The following CCSER1 variants were observed in gnomAD, a reference collection of about 807,000 sequenced individuals.
The protein encoded by CCSER1 is coiled-coil serine rich protein 1.
A neutral mutation model predicts 82.0 loss-of-function variants in CCSER1; 41 were observed. The observed-to-expected ratio is 0.50, with a 90% CI of 0.39 to 0.65. The LOEUF (loss-of-function observed/expected upper bound fraction) is 0.65. Among genes scored for constraint, CCSER1 ranks in the 30% least tolerant of loss-of-function variants. CCSER1 has a pLI of 0.00. For missense variants in CCSER1, 1,119 were observed against 1,064.2 expected, an observed-to-expected ratio of 1.05 and a Z score of -0.72; for synonymous variants, 414 against 383.9, an observed-to-expected ratio of 1.08 and a Z score of -0.92.
At chr4:90,163,247 T>A (rs1267872667) in intron 1 of CCSER1, among the ~76,000 whole-genome samples, 1 of 152,132 alleles carries the variant, frequency 6.6e-6, no homozygotes, top group Non-Finnish European at 1.5e-5. Context: ...GACAGAGTGC[T>A]TTTAATGTAA....
intron 5 of CCSER1, among the ~76,000 whole-genome samples, chr4:90,543,098 A>T (rs1434448925): frequency 6.6e-6 from 1 of 152,106 alleles, no homozygotes; most frequent in African/African-American, 2.4e-5. Context: ...TAGAAACTGA[A>T]TAGATTTTGA....
chr4:90,649,117 A>G (rs1728252562), intron 6 of CCSER1, among the ~76,000 whole-genome samples: 1 of 152,182 alleles, frequency 6.6e-6, no homozygotes, highest in Admixed American at 6.5e-5. Flanking sequence ...TTTCATACAG[A>G]AGCATGTTGT....
intron 10 of CCSER1, among the ~76,000 whole-genome samples, chr4:91,283,216 C>A (rs1743048441): frequency 6.6e-6 from 1 of 151,968 alleles, no homozygotes; most frequent in African/African-American, 2.4e-5. Flanking sequence ...GATGTAGAAA[C>A]TATTTAGATG....
intron 10 of CCSER1, among the ~76,000 whole-genome samples, chr4:91,168,137 C>T (rs1415255626): frequency 6.7e-6 from 1 of 150,086 alleles, no homozygotes; most frequent in African/African-American, 2.5e-5. Flanking sequence ...CTCTGCCCGG[C>T]CGCCCCATCT....
chr4:90,548,928 T>G (rs1777123042), intron 5 of CCSER1, among the ~76,000 whole-genome samples: 1 of 152,060 alleles, frequency 6.6e-6, no homozygotes, highest in African/African-American at 2.4e-5. Context: ...GTTCTTAGAC[T>G]CTGAATCAAG....
Position 91,561,019 on chromosome 4 carries a change from C to T in CCSER1, c.2218-37553C>T, listed in dbSNP as rs372994531. On this transcript the variant is annotated intron_variant, in intron 10 of 10. Transcript: ENST00000509176. Reference sequence around the variant, plus strand: ...AGTAAAACTATATGAAAAACCCAAACTTGTACTTTAAATACATGTATTTGT... The same window carrying T: ...AGTAAAACTATATGAAAAACCCAAATTTGTACTTTAAATACATGTATTTGT... Among the ~76,000 whole-genome samples, 6 of 151,322 alleles carry T rather than the reference C, an allele frequency of 4.0e-5. 1 individual carries two copies. The East Asian group carries it at 7.8e-4, about 20-fold the overall frequency.
At chr4:90,327,306 G>A (rs1460608631) in intron 3 of CCSER1, among the ~76,000 whole-genome samples, 1 of 152,032 alleles carries the variant, frequency 6.6e-6, no homozygotes, top group Non-Finnish European at 1.5e-5. Context: ...GGAAATACTT[G>A]TTTTCTCATT....
chr4:91,378,487 T>TTTG lies in CCSER1; in HGVS notation c.2218-220085_2218-220084insTTG. Among the ~76,000 whole-genome samples the TTTG allele has an allele frequency of 2.6e-5, 4 of 152,344 alleles. No homozygotes were observed. The East Asian group carries it at 7.7e-4, about 29-fold the overall frequency. On this transcript the variant is annotated intron_variant, in intron 10 of 10. Coordinates refer to ENST00000509176, the MANE Select transcript of CCSER1 (RefSeq NM_001145065.2). ...TCACATTCCTTGTAAGTTGGATTCCTAAGTATTTTATTCTCTTTGAAGCAA... is the reference window on the plus strand; with the variant it reads ...TCACATTCCTTGTAAGTTGGATTCCTTTGAAGTATTTTATTCTCTTTGAAGCAA...
intron 6 of CCSER1, among the ~76,000 whole-genome samples, chr4:90,639,097 A>G (rs896516720): frequency 6.6e-6 from 1 of 152,032 alleles, no homozygotes; most frequent in African/African-American, 2.4e-5. Context: ...TACTTGTGTG[A>G]TAATTGCCAA....
intron 1 of CCSER1, among the ~76,000 whole-genome samples, chr4:90,307,702 G>A (rs1483857335): frequency 1.3e-5 from 2 of 151,794 alleles, no homozygotes; most frequent in African/African-American, 2.4e-5. Context: ...TTTTCTTTGA[G>A]TGCTGATTGT....
At chr4:90,724,946 C>A in intron 7 of CCSER1, 2 of 400,398 alleles carry the variant, frequency 5.0e-6, no homozygotes, top group South Asian at 1.9e-5. Context: ...TTATAGAAGG[C>A]TATGAATTCA....
chr4:90,197,240 G>A (rs1736788635), intron 1 of CCSER1, among the ~76,000 whole-genome samples: 1 of 152,038 alleles, frequency 6.6e-6, no homozygotes, highest in South Asian at 2.1e-4. Flanking sequence ...ATGGTAGAAG[G>A]GGTGCCACAG....
At chr4:91,373,055 C>A (rs1351010622) in intron 10 of CCSER1, among the ~76,000 whole-genome samples, 1 of 151,210 alleles carries the variant, frequency 6.6e-6, no homozygotes, top group Non-Finnish European at 1.5e-5. Context: ...GACCTGCAGG[C>A]AGAAACACTG....
At chr4:90,565,901 C>A (rs1366361892) in intron 5 of CCSER1, among the ~76,000 whole-genome samples, 2 of 150,800 alleles carry the variant, frequency 1.3e-5, no homozygotes, top group African/African-American at 4.9e-5. Flanking sequence ...TGCTCTATCA[C>A]CCAGGGTGGA....
chr4:91,178,726 A>G (rs1178831995), intron 10 of CCSER1, among the ~76,000 whole-genome samples: 1 of 152,050 alleles, frequency 6.6e-6, no homozygotes, highest in Non-Finnish European at 1.5e-5. Context: ...GGTCTCCTGT[A>G]TACAGCTCAC....
At chr4:90,177,017 T>C (rs1389497341) in intron 1 of CCSER1, among the ~76,000 whole-genome samples, 2 of 152,008 alleles carry the variant, frequency 1.3e-5, no homozygotes, top group Admixed American at 1.3e-4. Context: ...CTTGAAGCAA[T>C]GAATCAGAGC....
chr4:90,237,627 T>C (rs189535868), intron 1 of CCSER1, among the ~76,000 whole-genome samples: 2 of 152,282 alleles, frequency 1.3e-5, no homozygotes, highest in Non-Finnish European at 2.9e-5. Context: ...ATTAAAACCA[T>C]AACTATATGG....
At chr4:90,914,670 A>C (rs887711224) in intron 8 of CCSER1, among the ~76,000 whole-genome samples, 9 of 151,930 alleles carry the variant, frequency 5.9e-5, no homozygotes, top group African/African-American at 1.9e-4. Flanking sequence ...AAATAGAGAC[A>C]CAAAAAACCC....
intron 10 of CCSER1, among the ~76,000 whole-genome samples, chr4:91,158,455 CTT>C (rs1230590081): frequency 4.6e-5 from 7 of 151,916 alleles, no homozygotes; most frequent in Non-Finnish European, 1.0e-4. Flanking sequence ...TGTTTTCCCT[CTT>C]TTGTCATTAA....
Sources: gnomAD v4.1 joint callset for allele counts (sites outside exome capture counted in the v4.1 genomes callset) on GRCh38, gnomAD v4.1.1 for gene constraint, MANE v1.5 for transcripts, NCBI Gene and HGNC (gene_info 2026-07-23, HGNC 2026-07-21) for gene names.